Variants in PIGX observed in about 807,000 individuals in gnomAD.
PIGX encodes phosphatidylinositol glycan anchor biosynthesis class X, also known as GPI alpha-1,4-mannosyltransferase I, stabilizing subunit.
PIGX carries 24 observed loss-of-function variants against 28.7 expected under a neutral mutation model. The observed-to-expected ratio is 0.84, with a 90% confidence interval of 0.60 to 1.17. PIGX has a LOEUF of 1.17. Ranked by LOEUF, PIGX falls within the 50% of genes most tolerant of loss-of-function variation. The pLI is 0.00. For synonymous variants in PIGX, 127 were observed against 121.0 expected (o/e 1.05, Z -0.33); for missense variants, 305 against 317.8 (o/e 0.96, Z 0.31).
intron 4 of PIGX, 130 bp downstream of exon 4, chr3:196,728,266 T>G: frequency 1.5e-6 from 1 of 653,856 alleles, no homozygotes; most frequent in South Asian, 1.9e-5. Flanking sequence ...GGGTATTTAT[T>G]TGCCTTATAA....
At position 196,722,457 on chromosome 3, in the gene PIGX, C is replaced by T; in HGVS notation, c.219C>T (p.Asp73=). ...TGAAGTTTGGGGAAAGCATTGAGGACTTGCACACCTGCCGTCTCTTAATTA... is the reference window on the plus strand; with the variant it reads ...TGAAGTTTGGGGAAAGCATTGAGGATTTGCACACCTGCCGTCTCTTAATTA... The change falls in exon 3 of 6, where the codon GAC becomes GAT. Residue 73 remains aspartate (D), a synonymous_variant. Transcript: ENST00000392391. 6.2e-7 allele frequency: 1 copy of T among 1,612,102 alleles called. No homozygotes were observed. The highest frequency in any genetic ancestry group is 8.5e-7 in the Non-Finnish European group (1 of 1,178,172).
intron 4 of PIGX, among the ~76,000 whole-genome samples, chr3:196,729,227 G>A (rs1261607004): frequency 6.6e-6 from 1 of 151,986 alleles, no homozygotes; most frequent in Non-Finnish European, 1.5e-5. Context: ...CAGCTACTTG[G>A]GAGGCGGAGG....
At chr3:196,720,068 G>A (rs142047555) in intron 2 of PIGX, among the ~76,000 whole-genome samples, 2,206 of 152,292 alleles carry the variant, frequency 0.014, 54 homozygotes, top group African/African-American at 0.05. Context: ...GTGAGCCACC[G>A]CGCCCGGCCT....
At position 196,715,101 on chromosome 3, in the gene PIGX, A is replaced by T. The variant is rs936337692; in HGVS notation, c.113-1757A>T. Among the ~76,000 whole-genome samples the T allele has an allele frequency of 3.3e-5, 5 of 152,100 alleles. No homozygotes were observed. The East Asian group carries it at 7.7e-4, about 23-fold the overall frequency. The stretch of plus-strand genomic sequence containing the variant: ...AAAAATAAATAAATAAATAAATAAA[A>T]ATAAAAAAAGAACAAATAAAAATCT... On this transcript the variant is annotated intron_variant, in intron 1 of 5. Coordinates refer to ENST00000392391, the MANE Select transcript of PIGX (RefSeq NM_017861.4).
At position 196,722,972 on chromosome 3, in the gene PIGX, A is replaced by G. The variant is rs80261816; in HGVS notation, c.318+416A>G. Among the ~76,000 whole-genome samples the G allele has an allele frequency of 8.1e-3, 1,227 of 152,356 alleles. 12 individuals carry two copies. The highest frequency in any genetic ancestry group is 0.028 in the African/African-American group (1,172 of 41,578). The stretch of plus-strand genomic sequence containing the variant: ...GATATCTTCATTTTCTTTTAAAAAG[A>G]AAGATCGTGTCCTGCACCCTTTACA... On this transcript the variant is annotated intron_variant, in intron 3 of 5. Transcript: ENST00000392391.
At position 196,731,744 on chromosome 3, in the gene PIGX, T is replaced by G. The variant is rs565649758; in HGVS notation, c.633+652T>G. Among the ~76,000 whole-genome samples the G allele has an allele frequency of 1.7e-3, 264 of 152,284 alleles. 2 individuals are homozygous for G. The highest frequency in any genetic ancestry group is 3.4e-3 in the Middle Eastern group (1 of 294). Reference sequence around the variant, plus strand: ...GAAGAGTATGCTTAGTGTTTATGATTTATTGATTTAGCAAATTAGTGTGTA... The same window carrying G: ...GAAGAGTATGCTTAGTGTTTATGATGTATTGATTTAGCAAATTAGTGTGTA... On this transcript the variant is annotated intron_variant, in intron 5 of 5. Coordinates refer to ENST00000392391, the MANE Select transcript of PIGX (RefSeq NM_017861.4).
chr3:196,726,803 G>T (rs1396550136), intron 3 of PIGX: 3 of 389,980 alleles, frequency 7.7e-6, no homozygotes, highest in Non-Finnish European at 1.5e-5. Flanking sequence ...TCATGAAAAA[G>T]AAATAACCTT....
chr3:196,732,428 C>T (rs1305785441), intron 5 of PIGX, among the ~76,000 whole-genome samples: 5 of 149,710 alleles, frequency 3.3e-5, no homozygotes, highest in African/African-American at 4.9e-5. Context: ...ACTATAGGCA[C>T]GTGCCACCAT....
At chr3:196,723,543 C>T (rs1045501389) in intron 3 of PIGX, among the ~76,000 whole-genome samples, 8 of 151,796 alleles carry the variant, frequency 5.3e-5, no homozygotes, top group African/African-American at 1.9e-4. Context: ...CAGAGTATTG[C>T]CTTCCAGGGA....
intron 5 of PIGX, among the ~76,000 whole-genome samples, chr3:196,732,261 A>G (rs7615232): frequency 0.044 from 911 of 20,868 alleles, 73 homozygotes; most frequent in African/African-American, 0.14. Flanking sequence ...TATATATTTT[A>G]TTTTATTTTA....
intron 2 of PIGX, among the ~76,000 whole-genome samples, chr3:196,718,654 A>G (rs1452509504): frequency 6.6e-6 from 1 of 152,212 alleles, no homozygotes; most frequent in Non-Finnish European, 1.5e-5. Context: ...TTGTATGTTC[A>G]TGAAGGCTAC....
At chr3:196,719,385 T>C (rs926248405) in intron 2 of PIGX, among the ~76,000 whole-genome samples, 5 of 152,188 alleles carry the variant, frequency 3.3e-5, no homozygotes, top group African/African-American at 1.2e-4. Flanking sequence ...AATGTGCAGG[T>C]TTGTTACATA....
chr3:196,722,526 G>A lies in PIGX; in HGVS notation c.288G>A (p.Leu96=). ...GACTTTATGTGGATCCGTATGAGTT[G>A]GCTTCATTACGAGAGAGAAACATAA... The change falls in exon 3 of 6, where the codon TTG becomes TTA. Residue 96 remains leucine (L), a synonymous_variant. Transcript: ENST00000392391. The A allele has an allele frequency of 6.2e-7, 1 of 1,613,534 alleles. No individual in the cohort carries two copies. Among genetic ancestry groups the A allele is most frequent in the Non-Finnish European group, 8.5e-7 (1 of 1,179,678 alleles).
Position 196,733,058 on chromosome 3 carries a change from C to T in PIGX, c.634-701C>T, listed in dbSNP as rs1712875936. On this transcript the variant is annotated intron_variant, in intron 5 of 5. Coordinates refer to ENST00000392391, the MANE Select transcript of PIGX (RefSeq NM_017861.4). This position sits in a 1 kb window ranked among gnomAD's most constrained non-coding sequence, Gnocchi z 4.3. ...TTTTAATGTTTTTCCTCTAAGTCTT[C>T]AATTTAGAGAGAATTCTGTATTCTA... 6.6e-6 allele frequency among the ~76,000 whole-genome samples: 1 copy of T among 152,138 alleles called. No individual in the cohort carries two copies. Among genetic ancestry groups the T allele is most frequent in the African/African-American group, 2.4e-5 (1 of 41,436 alleles).
At chr3:196,712,892 A>G in intron 1 of PIGX, 1 of 1,061,512 alleles carries the variant, frequency 9.4e-7, no homozygotes. Context: ...CCGCCCTGTT[A>G]CTAAAGTTCT....
At chr3:196,732,212 TTATTTA>T (rs1222771771) in intron 5 of PIGX, among the ~76,000 whole-genome samples, 4 of 52,254 alleles carry the variant, frequency 7.7e-5, no homozygotes, top group African/African-American at 2.7e-4. Flanking sequence ...TATGTATATA[TTATTTA>T]TATATATATA....
intron 5 of PIGX, among the ~76,000 whole-genome samples, chr3:196,732,256 A>ATTTTT (rs1292188907): frequency 4.3e-5 from 1 of 23,252 alleles, no homozygotes; most frequent in African/African-American, 1.6e-4. Flanking sequence ...ATATATATAT[A>ATTTTT]TTTTATTTTA....
chr3:196,731,992 A>C (rs1021486667), intron 5 of PIGX, among the ~76,000 whole-genome samples: 4 of 150,158 alleles, frequency 2.7e-5, no homozygotes, highest in African/African-American at 9.8e-5. Flanking sequence ...TGCCCGGCTA[A>C]TTTTTGTATT....
chr3:196,727,966 A>G lies in PIGX; in HGVS notation c.362A>G (p.Tyr121Cys), dbSNP rs1232319844. ...AATTTTGATATAGAGGCCCCTAACT[A>G]TTTGTCCAAGGAGTCTGAAGTTCTC... Residue 121 changes from tyrosine (Y) to cysteine (C), a missense_variant, in exon 4 of 6, where the codon TAT (tyrosine) becomes TGT (cysteine). Transcript: ENST00000392391. 2 of 1,613,738 alleles carry G rather than the reference A, an allele frequency of 1.2e-6. No individual in the cohort carries two copies. Among genetic ancestry groups the G allele is most frequent in the African/African-American group, 1.3e-5 (1 of 74,890 alleles).
Sources: gnomAD v4.1 joint callset for allele counts (sites outside exome capture counted in the v4.1 genomes callset) on GRCh38, gnomAD v4.1.1 for gene constraint, Gnocchi (gnomAD v3.1) non-coding constraint, MANE v1.5 for transcripts, NCBI Gene and HGNC (gene_info 2026-07-23, HGNC 2026-07-21) for gene names.